RIMS2: variants seen among roughly 807,000 people sequenced by gnomAD.
RIMS2 encodes regulating synaptic membrane exocytosis protein 2.
A neutral mutation model predicts 174.4 loss-of-function variants in RIMS2; 59 were observed. The ratio of observed to expected loss-of-function variants is 0.34; its 90% CI spans 0.27 to 0.42. The LOEUF (loss-of-function observed/expected upper bound fraction) is 0.42, where lower values mean the gene tolerates loss of function less well. Ranked by LOEUF, RIMS2 falls within the 10% of genes least tolerant of loss-of-function variation. The probability of loss-of-function intolerance (pLI) is 1.00; values close to 1 mark genes in which losing one functional copy is unlikely to be tolerated. For missense variants in RIMS2, 1,620 were observed against 1,666.3 expected, an observed-to-expected ratio of 0.97 and a Z score of 0.48; for synonymous variants, 606 against 572.5, an observed-to-expected ratio of 1.06 and a Z score of -0.84.
intron 19 of RIMS2, among the ~76,000 whole-genome samples, chr8:104,133,382 T>C (rs1180120075): frequency 6.6e-6 from 1 of 152,098 alleles, no homozygotes; most frequent in Non-Finnish European, 1.5e-5. Flanking sequence ...TGTGGAGGAA[T>C]TGATTTTTCC....
intron 15 of RIMS2, among the ~76,000 whole-genome samples, chr8:103,963,320 C>G (rs1409498848): frequency 6.6e-6 from 1 of 152,098 alleles, no homozygotes; most frequent in Non-Finnish European, 1.5e-5. Context: ...CCAGCAAAAT[C>G]TATTGATAGT....
At chr8:103,786,736 A>G (rs1480962816) in intron 3 of RIMS2, among the ~76,000 whole-genome samples, 4 of 152,186 alleles carry the variant, frequency 2.6e-5, no homozygotes, top group African/African-American at 7.2e-5. Flanking sequence ...TCTGAAAAAA[A>G]TGTATATTCT....
At chr8:103,986,013 G>A (rs1384034877) in intron 16 of RIMS2, among the ~76,000 whole-genome samples, 3 of 152,132 alleles carry the variant, frequency 2.0e-5, no homozygotes, top group Admixed American at 6.5e-5. Flanking sequence ...AGAGGAATAA[G>A]TTCAAGAGAT....
intron 2 of RIMS2, among the ~76,000 whole-genome samples, chr8:103,704,066 T>G (rs983658713): frequency 4.0e-5 from 6 of 151,818 alleles, no homozygotes; most frequent in South Asian, 2.1e-4. Context: ...TTGTTCCAGA[T>G]CTTAGAGGAA....
intron 2 of RIMS2, among the ~76,000 whole-genome samples, chr8:103,697,852 C>T (rs2097125199): frequency 6.6e-6 from 1 of 152,072 alleles, no homozygotes; most frequent in Non-Finnish European, 1.5e-5. Context: ...TGGTGAAACC[C>T]CATGTCTACT....
intron 15 of RIMS2, among the ~76,000 whole-genome samples, chr8:103,974,131 TC>T (rs2093193357): frequency 6.6e-6 from 1 of 152,228 alleles, no homozygotes; most frequent in Non-Finnish European, 1.5e-5. Flanking sequence ...TTCCCTTTTT[TC>T]TTGCCCTATT....
intron 3 of RIMS2, among the ~76,000 whole-genome samples, chr8:103,792,494 A>G (rs1460766076): frequency 2.6e-5 from 4 of 152,164 alleles, no homozygotes; most frequent in Non-Finnish European, 5.9e-5. Flanking sequence ...TGACACCCTA[A>G]CATCACAACT....
chr8:103,938,237 CT>C (rs2081716734), intron 13 of RIMS2, among the ~76,000 whole-genome samples: 1 of 152,110 alleles, frequency 6.6e-6, no homozygotes, highest in African/African-American at 2.4e-5. Context: ...CATTTTCACG[CT>C]GCTGATAAAG....
At chr8:104,171,718 T>C (rs530087226) in intron 19 of RIMS2, among the ~76,000 whole-genome samples, 3 of 152,164 alleles carry the variant, frequency 2.0e-5, no homozygotes, top group Non-Finnish European at 4.4e-5. Context: ...AAACCCTGTT[T>C]TCTCATATTA....
intron 17 of RIMS2, among the ~76,000 whole-genome samples, chr8:103,991,594 A>C (rs1274242401): frequency 2.0e-5 from 3 of 152,092 alleles, no homozygotes; most frequent in African/African-American, 7.2e-5. Flanking sequence ...AATCAATAAT[A>C]ATGTTGATTA....
chr8:104,107,966 T>TCCC (rs1555232622), intron 19 of RIMS2, among the ~76,000 whole-genome samples: 15 of 109,752 alleles, frequency 1.4e-4, no homozygotes, highest in Admixed American at 1.3e-3. Context: ...GTCTTTCCCC[T>TCCC]GCCCCCCCCC....
chr8:103,754,229 T>A (rs180952616), intron 2 of RIMS2, among the ~76,000 whole-genome samples: 2 of 152,326 alleles, frequency 1.3e-5, no homozygotes, highest in East Asian at 3.9e-4. Flanking sequence ...TTCCATGTAG[T>A]TGAGCGGTTT....
At chr8:104,131,975 G>A (rs80229692) in intron 19 of RIMS2, among the ~76,000 whole-genome samples, 1,934 of 152,244 alleles carry the variant, frequency 0.013, 47 homozygotes, top group African/African-American at 0.045. Flanking sequence ...ATGAAAGAAT[G>A]TGTGAAAGAT....
chr8:103,526,513 A>C (rs1469718332), intron 1 of RIMS2, among the ~76,000 whole-genome samples: 1 of 152,228 alleles, frequency 6.6e-6, no homozygotes, highest in Non-Finnish European at 1.5e-5. Context: ...CAGGGGATTC[A>C]AATAATGGAG....
At chr8:104,021,330 C>G (rs1284200538) in intron 19 of RIMS2, among the ~76,000 whole-genome samples, 1 of 152,044 alleles carries the variant, frequency 6.6e-6, no homozygotes, top group East Asian at 1.9e-4. Context: ...GAATAGTATT[C>G]ATAAGACAAT....
At chr8:103,687,418 C>T (rs1300743289) in intron 1 of RIMS2, among the ~76,000 whole-genome samples, 2 of 151,216 alleles carry the variant, frequency 1.3e-5, no homozygotes, top group Non-Finnish European at 2.9e-5. Flanking sequence ...TTCAAATTAA[C>T]AAAAATTGTG....
intron 3 of RIMS2, among the ~76,000 whole-genome samples, chr8:103,837,749 T>A (rs2154484309): frequency 6.6e-6 from 1 of 152,270 alleles, no homozygotes; most frequent in South Asian, 2.1e-4. Flanking sequence ...ATTTTCTTAA[T>A]CCAGTCTATC....
intron 1 of RIMS2, among the ~76,000 whole-genome samples, chr8:103,609,660 G>T (rs1473200884): frequency 3.3e-5 from 5 of 152,024 alleles, no homozygotes; most frequent in Middle Eastern, 3.2e-3. Context: ...TCAGATGGTT[G>T]TAGGTGTGTG....
Position 103,694,181 on chromosome 8 carries a change from T to C in RIMS2, c.177-2905T>C, listed in dbSNP as rs2097068462. Reference sequence around the variant, plus strand: ...CCTCAGGGACCAGCATGGCATTGGGTATGCCTAGAATCTGTTTTTGCAGGT... The same window carrying C: ...CCTCAGGGACCAGCATGGCATTGGGCATGCCTAGAATCTGTTTTTGCAGGT... On this transcript the variant is annotated intron_variant, in intron 1 of 23. Coordinates refer to ENST00000504942, the Ensembl canonical transcript of RIMS2. Among the ~76,000 whole-genome samples the C allele has an allele frequency of 2.0e-5, 3 of 152,054 alleles. No individual in the cohort carries two copies. In the South Asian group the frequency reaches 6.2e-4, roughly 31 times the overall value.
Sources: gnomAD v4.1 joint callset for allele counts (sites outside exome capture counted in the v4.1 genomes callset) on GRCh38, gnomAD v4.1.1 for gene constraint, MANE v1.5 for transcripts, NCBI Gene and HGNC (gene_info 2026-07-23, HGNC 2026-07-21) for gene names.